Variants in CIMAP2 observed in about 807,000 individuals in gnomAD.
The protein encoded by CIMAP2 is ciliary microtubule-associated protein 2.
chr1:54,839,064 G>A, the CIMAP2 span, among the ~76,000 whole-genome samples: 1 of 152,126 alleles, frequency 6.6e-6, no homozygotes, highest in Non-Finnish European at 1.5e-5. Flanking sequence ...AAATAGGATT[G>A]GATCTCTGGT....
At chr1:54,820,112 CTCTTTCTT>C in the CIMAP2 span, among the ~76,000 whole-genome samples, 36 of 8,318 alleles carry the variant, frequency 4.3e-3, no homozygotes, top group South Asian at 0.016. Context: ...TTCTCTCTCT[CTCTTTCTT>C]TCTTTCTTTC....
the CIMAP2 span, among the ~76,000 whole-genome samples, chr1:54,838,411 G>A: frequency 6.6e-4 from 101 of 151,946 alleles, 1 homozygote; most frequent in African/African-American, 2.2e-3. Flanking sequence ...TGAATCCAGC[G>A]GTGGAGGTTG....
the CIMAP2 span, chr1:54,841,647 G>A: frequency 1.9e-6 from 3 of 1,613,872 alleles, no homozygotes; most frequent in South Asian, 1.1e-5. Flanking sequence ...AGGCCTAGAA[G>A]TCATCAATTT....
chr1:54,810,405 T>G, the CIMAP2 span, among the ~76,000 whole-genome samples: 1 of 152,204 alleles, frequency 6.6e-6, no homozygotes, highest in Non-Finnish European at 1.5e-5. Flanking sequence ...ATGTTAAGGC[T>G]GGTGAAGCAC....
chr1:54,816,877 A>C, the CIMAP2 span: 1 of 1,382,286 alleles, frequency 7.2e-7, no homozygotes, highest in African/African-American at 1.4e-5. Flanking sequence ...TGGGAGACAC[A>C]ATTCAACTCA....
chr1:54,820,106 CTCTCTCTCTTTCTT>C, the CIMAP2 span, among the ~76,000 whole-genome samples: 17 of 40,166 alleles, frequency 4.2e-4, no homozygotes, highest in African/African-American at 8.3e-4. Flanking sequence ...CTTTCTTTCT[CTCTCTCTCTTTCTT>C]TCTTTCTTTC....
At chr1:54,814,022 T>C in the CIMAP2 span, 3 of 1,543,392 alleles carry the variant, frequency 1.9e-6, no homozygotes, top group Non-Finnish European at 2.6e-6. Context: ...AGGGCAGCTC[T>C]CCTTCCGGGG....
At chr1:54,807,487 G>A in the CIMAP2 span, 53 of 1,459,494 alleles carry the variant, frequency 3.6e-5, no homozygotes, top group South Asian at 5.7e-4. Context: ...TAGACTGGGC[G>A]GGCGTGGCTG....
At chr1:54,808,520 A>G in the CIMAP2 span, among the ~76,000 whole-genome samples, 1 of 149,290 alleles carries the variant, frequency 6.7e-6, no homozygotes, top group Non-Finnish European at 1.5e-5. Context: ...GCCGAGGGTG[A>G]GAGGAGGCGA....
the CIMAP2 span, among the ~76,000 whole-genome samples, chr1:54,806,741 T>C: frequency 2.1e-5 from 3 of 140,528 alleles, no homozygotes; most frequent in Admixed American, 2.4e-4. Flanking sequence ...CAAAAGTATG[T>C]ACATCTGTAA....
At chr1:54,807,632 G>A in the CIMAP2 span, 20 of 1,611,032 alleles carry the variant, frequency 1.2e-5, no homozygotes, top group Non-Finnish European at 1.5e-5. Flanking sequence ...GAAGCCACGC[G>A]GCTGACCCAG....
the CIMAP2 span, chr1:54,813,672 CCCGGCCT>C: frequency 0.99 from 968,377 of 981,014 alleles, 478,099 homozygotes; most frequent in East Asian, 1. Flanking sequence ...TTGAGGCTGG[CCCGGCCT>C]CCGGCCTCCG....
chr1:54,819,476 C>T, the CIMAP2 span, among the ~76,000 whole-genome samples: 2 of 152,240 alleles, frequency 1.3e-5, no homozygotes, highest in Non-Finnish European at 2.9e-5. Context: ...CAAAGCAATC[C>T]TCACCTTGGT....
chr1:54,825,283 C>T, the CIMAP2 span, among the ~76,000 whole-genome samples: 461 of 151,918 alleles, frequency 3.0e-3, 2 homozygotes, highest in African/African-American at 0.011. Flanking sequence ...GATCTCCTGA[C>T]CTCGTGATCC....
At chr1:54,811,869 C>A in the CIMAP2 span, 2 of 1,610,864 alleles carry the variant, frequency 1.2e-6, no homozygotes, top group Non-Finnish European at 1.7e-6. Context: ...TGCCTGGAAC[C>A]GGTCTCATTC....
the CIMAP2 span, among the ~76,000 whole-genome samples, chr1:54,819,036 G>T: frequency 6.6e-6 from 1 of 152,166 alleles, no homozygotes; most frequent in African/African-American, 2.4e-5. Context: ...ATAATACTGT[G>T]AGTCTGGTTG....
the CIMAP2 span, among the ~76,000 whole-genome samples, chr1:54,831,580 G>T: frequency 6.6e-6 from 1 of 152,014 alleles, no homozygotes; most frequent in African/African-American, 2.4e-5. Flanking sequence ...TTGAATCCGG[G>T]AGGCGGAGGG....
chr1:54,823,185 T>C, the CIMAP2 span, among the ~76,000 whole-genome samples: 2 of 152,210 alleles, frequency 1.3e-5, no homozygotes, highest in East Asian at 3.8e-4. Context: ...ACAACTATTA[T>C]TGTATTGAAG....
the CIMAP2 span, among the ~76,000 whole-genome samples, chr1:54,809,126 T>C: frequency 6.6e-6 from 1 of 152,188 alleles, no homozygotes; most frequent in East Asian, 1.9e-4. Context: ...GCATCCTAAG[T>C]ATCAGGTGCT....
Sources: gnomAD v4.1 joint callset for allele counts (sites outside exome capture counted in the v4.1 genomes callset) on GRCh38, gnomAD v4.1.1 for gene constraint, MANE v1.5 for transcripts, NCBI Gene and HGNC (gene_info 2026-07-23, HGNC 2026-07-21) for gene names.